Variants in LPAR3 observed in about 807,000 individuals in gnomAD.
LPAR3 encodes the protein lysophosphatidic acid receptor 3.
LPAR3 carries 7 observed loss-of-function variants against 17.8 expected under a neutral mutation model. The observed-to-expected ratio is 0.39, with a 90% CI of 0.22 to 0.74. LPAR3 has a LOEUF of 0.74. Among genes scored for constraint, LPAR3 ranks in the 30% least tolerant of loss-of-function variants. LPAR3 has a pLI of 0.40. For missense variants in LPAR3, 391 were observed against 453.4 expected (o/e 0.86, Z 1.25); for synonymous variants, 179 against 179.9 (o/e 0.99, Z 0.04).
intron 2 of LPAR3, among the ~76,000 whole-genome samples, chr1:84,816,205 C>G (rs532857784): frequency 6.6e-6 from 1 of 152,262 alleles, no homozygotes; most frequent in Admixed American, 6.5e-5. Flanking sequence ...GATGGGCAGC[C>G]AAGTTTGCAA....
At chr1:84,822,207 T>C (rs1042866746) in intron 2 of LPAR3, among the ~76,000 whole-genome samples, 1 of 152,162 alleles carries the variant, frequency 6.6e-6, no homozygotes, top group African/African-American at 2.4e-5. Flanking sequence ...AATTTTTTTT[T>C]ATTTTAATGA....
intron 2 of LPAR3, among the ~76,000 whole-genome samples, chr1:84,864,115 G>A (rs1280503263): frequency 6.6e-6 from 1 of 152,024 alleles, no homozygotes; most frequent in African/African-American, 2.4e-5. Context: ...GGGAGGCTGA[G>A]GTAGAAGGAT....
chr1:84,882,747 A>G (rs1660389283), intron 1 of LPAR3, among the ~76,000 whole-genome samples: 1 of 152,238 alleles, frequency 6.6e-6, no homozygotes, highest in South Asian at 2.1e-4. Context: ...TAGTCTCTTC[A>G]ACAAATGGTG....
chr1:84,880,911 A>AC (rs1263503957), intron 1 of LPAR3, among the ~76,000 whole-genome samples: 1 of 152,136 alleles, frequency 6.6e-6, no homozygotes, highest in East Asian at 1.9e-4. Context: ...GGAAGCATGG[A>AC]CCAACCATGG....
intron 2 of LPAR3, among the ~76,000 whole-genome samples, chr1:84,821,121 A>G (rs1557589222): frequency 6.6e-6 from 1 of 151,558 alleles, no homozygotes; most frequent in Non-Finnish European, 1.5e-5. Flanking sequence ...ATCCACTTCA[A>G]TAGATCAGTG....
At chr1:84,858,359 C>T (rs545064582) in intron 2 of LPAR3, among the ~76,000 whole-genome samples, 1 of 151,862 alleles carries the variant, frequency 6.6e-6, no homozygotes, top group East Asian at 1.9e-4. Flanking sequence ...TGCCACATGC[C>T]TATAATCCCA....
rs551032864 is a variant in LPAR3 at position 84,821,101 on chromosome 1, A to T, written c.737-6930T>A. Among the ~76,000 whole-genome samples, 36 of 148,896 alleles carry T rather than the reference A, an allele frequency of 2.4e-4. 1 individual carries two copies. In the South Asian group the frequency reaches 5.1e-3, roughly 21 times the overall value. On this transcript the variant is annotated intron_variant, in intron 2 of 2. Coordinates refer to ENST00000370611, the MANE Select transcript of LPAR3 (RefSeq NM_012152.3). ...TGGGTACTGCTTTTTTTTTTTTTTTAAAGTTTGAAATCCACTTCAATAGAT... is the reference window on the plus strand; with the variant it reads ...TGGGTACTGCTTTTTTTTTTTTTTTTAAGTTTGAAATCCACTTCAATAGAT...
intron 2 of LPAR3, among the ~76,000 whole-genome samples, chr1:84,823,912 C>T (rs1243242817): frequency 6.6e-6 from 1 of 152,182 alleles, no homozygotes; most frequent in Non-Finnish European, 1.5e-5. Context: ...TCCCAACTAA[C>T]CTTCCCAAGG....
chr1:84,877,609 C>A (rs915458767), intron 1 of LPAR3, among the ~76,000 whole-genome samples: 1 of 152,196 alleles, frequency 6.6e-6, no homozygotes, highest in Admixed American at 6.5e-5. Context: ...AGATCAGAGG[C>A]AATCCTCAAC....
chr1:84,834,159 A>G (rs1659348752), intron 2 of LPAR3, among the ~76,000 whole-genome samples: 1 of 152,136 alleles, frequency 6.6e-6, no homozygotes, highest in African/African-American at 2.4e-5. Flanking sequence ...TTTCATGTCC[A>G]CTTTCTCAAC....
chr1:84,833,042 C>T (rs922545869), intron 2 of LPAR3, among the ~76,000 whole-genome samples: 2 of 152,090 alleles, frequency 1.3e-5, no homozygotes, highest in Admixed American at 6.6e-5. Flanking sequence ...GAAAGATTAA[C>T]GCTTAAATGG....
rs761895247 is a variant in LPAR3, at chr1:84,865,627, A to C, written c.494T>G (p.Leu165Arg). 11 of 1,614,106 alleles carry C rather than the reference A, an allele frequency of 6.8e-6. 2 individuals are homozygous for C. The South Asian group carries it at 8.8e-5, about 13-fold the overall frequency. Residue 165 changes from leucine to arginine, a missense_variant, in exon 2 of 3, where the codon CTG becomes CGG. Physicochemically the swap from Leu to Arg is moderately radical, Grantham distance 102. Coordinates refer to ENST00000370611, the MANE Select transcript of LPAR3 (RefSeq NM_012152.3). Reference protein sequence around the residue: ...IAIFMGAVPTLGWNCLCNISA... With the variant: ...IAIFMGAVPTRGWNCLCNISA... Reference sequence around the variant, plus strand: ...GATGTTGCAGAGGCAATTCCAGCCCAGTGTGGGGACCGCCCCCATAAAAAT... The same window carrying C: ...GATGTTGCAGAGGCAATTCCAGCCCCGTGTGGGGACCGCCCCCATAAAAAT...
intron 2 of LPAR3, among the ~76,000 whole-genome samples, chr1:84,817,118 C>A (rs916269965): frequency 1.3e-5 from 2 of 152,110 alleles, no homozygotes; most frequent in Admixed American, 6.6e-5. Flanking sequence ...ATCACACAAA[C>A]TCTTCTTTGA....
At chr1:84,840,288 A>G (rs1659482435) in intron 2 of LPAR3, among the ~76,000 whole-genome samples, 1 of 152,226 alleles carries the variant, frequency 6.6e-6, no homozygotes, top group Non-Finnish European at 1.5e-5. Context: ...AGACTAAATG[A>G]GTATCATTAA....
At chr1:84,817,076 G>A (rs760663988) in intron 2 of LPAR3, among the ~76,000 whole-genome samples, 4 of 152,052 alleles carry the variant, frequency 2.6e-5, no homozygotes, top group Non-Finnish European at 4.4e-5. Flanking sequence ...ATTTGTTAAT[G>A]CTGAGAATTT....
At position 84,850,202 on chromosome 1, in the gene LPAR3, T is replaced by C. The variant is rs140703353; in HGVS notation, c.736+15183A>G. On this transcript the variant is annotated intron_variant, in intron 2 of 2. Coordinates refer to ENST00000370611, the MANE Select transcript of LPAR3 (RefSeq NM_012152.3). ...GACCCACAAATTATGTAGCAGGCTG[T>C]CAGCAGTCCTGATGGAACCCCCTCC... 3.1e-3 allele frequency among the ~76,000 whole-genome samples: 473 copies of C among 151,686 alleles called. 6 individuals carry two copies. The highest frequency in any genetic ancestry group is 0.01 in the Middle Eastern group (3 of 292).
At chr1:84,889,814 A>T (rs1356171181) in intron 1 of LPAR3, among the ~76,000 whole-genome samples, 1 of 152,184 alleles carries the variant, frequency 6.6e-6, no homozygotes, top group Non-Finnish European at 1.5e-5. Flanking sequence ...TGCCTCTTTA[A>T]TTCCAATGTT....
intron 2 of LPAR3, among the ~76,000 whole-genome samples, chr1:84,840,051 T>G (rs2102754066): frequency 6.6e-6 from 1 of 151,872 alleles, no homozygotes; most frequent in Non-Finnish European, 1.5e-5. Flanking sequence ...GCCTCCCAAT[T>G]AGCTGGGACC....
intron 1 of LPAR3, among the ~76,000 whole-genome samples, chr1:84,871,897 A>G (rs946726628): frequency 6.6e-6 from 1 of 152,044 alleles, no homozygotes; most frequent in Admixed American, 6.6e-5. Context: ...GCCACTCTCT[A>G]AAGAGCACCC....
Sources: allele counts gnomAD v4.1 joint callset (sites outside exome capture counted in the v4.1 genomes callset), GRCh38; gene constraint gnomAD v4.1.1; transcripts MANE v1.5; gene names NCBI Gene and HGNC (gene_info 2026-07-23, HGNC 2026-07-21).